RAPGEF1: variants seen among roughly 807,000 people sequenced by gnomAD.
RAPGEF1 encodes CRK SH3-binding GNRP.
RAPGEF1 carries 33 observed loss-of-function variants against 143.3 expected under a neutral mutation model. That is an observed-to-expected ratio of 0.23 (90% CI 0.17 to 0.31). The LOEUF (loss-of-function observed/expected upper bound fraction) is 0.31. Ranked by LOEUF, RAPGEF1 falls within the 10% of genes least tolerant of loss-of-function variation. The pLI is 1.00. For synonymous variants in RAPGEF1, 629 were observed against 676.5 expected, an observed-to-expected ratio of 0.93 and a Z score of 1.09; for missense variants, 1,199 against 1,645.4, an observed-to-expected ratio of 0.73 and a Z score of 4.69.
At chr9:131,674,343 C>T (rs1333659360) in intron 1 of RAPGEF1, among the ~76,000 whole-genome samples, 1 of 152,172 alleles carries the variant, frequency 6.6e-6, no homozygotes, top group African/African-American at 2.4e-5. Context: ...TACGTTAAGA[C>T]CAGTCTGAAA....
At chr9:131,642,399 C>T (rs1226053602) in intron 4 of RAPGEF1, among the ~76,000 whole-genome samples, 2 of 152,228 alleles carry the variant, frequency 1.3e-5, no homozygotes, top group Non-Finnish European at 2.9e-5. Context: ...CTGGCTCTAG[C>T]TGGTGGCCAG....
intron 1 of RAPGEF1, among the ~76,000 whole-genome samples, chr9:131,695,383 T>C (rs901584894): frequency 6.6e-6 from 1 of 152,148 alleles, no homozygotes; most frequent in Non-Finnish European, 1.5e-5. Flanking sequence ...AGGTCAATGG[T>C]AGCTACCCAT....
chr9:131,628,034 T>C lies in RAPGEF1; in HGVS notation c.1080A>G (p.Gly360=). The C allele has an allele frequency of 6.4e-7, 1 of 1,565,284 alleles. No homozygotes were observed. Among genetic ancestry groups the C allele is most frequent in the Non-Finnish European group, 8.7e-7 (1 of 1,155,550 alleles). ...TGCAGGGGGAGAGGCGGGGCGACTC[T>C]CCACCATATGAGTGGCTGCCTCCTG... is the stretch of plus-strand genomic sequence containing the variant. ...RLSGGSHSYG[G]ESPRLSPCSS... is the part of the protein sequence containing the mutation. The change falls in exon 9 of 27, where the codon GGA becomes GGG. Residue 360 remains glycine, a synonymous_variant. Coordinates refer to ENST00000683357, the MANE Select transcript of RAPGEF1 (RefSeq NM_001377935.1). This position sits in a 1 kb window ranked among gnomAD's most constrained non-coding sequence, Gnocchi z 5.7.
Position 131,626,265 on chromosome 9 carries a change from G to A in RAPGEF1, c.1359C>T (p.Gly453=), listed in dbSNP as rs751904446. Residue 453 remains glycine (G), a synonymous_variant, in exon 10 of 27, where the codon GGC becomes GGT. Transcript: ENST00000683357. ...LGPPFQLPLG[G]HPQPDGPLAP... ...CCAGAGGTCCGTCTGGCTGGGGATG[G>A]CCGCCAAGAGGCAGCTGGAAAGGAG... 1.2e-6 allele frequency: 2 copies of A among 1,613,966 alleles called. No homozygotes were observed. Among genetic ancestry groups the A allele is most frequent in the Non-Finnish European group, 1.7e-6 (2 of 1,179,858 alleles).
intron 1 of RAPGEF1, among the ~76,000 whole-genome samples, chr9:131,671,478 C>A (rs1467031550): frequency 6.6e-6 from 1 of 152,244 alleles, no homozygotes; most frequent in Non-Finnish European, 1.5e-5. Flanking sequence ...TGTGGCTGAG[C>A]GCCTCCAACC....
chr9:131,649,200 ATTTTTTTTTTTTT>A (rs55813422), intron 3 of RAPGEF1, among the ~76,000 whole-genome samples: 1 of 87,236 alleles, frequency 1.1e-5, no homozygotes, highest in African/African-American at 4.6e-5. Flanking sequence ...GCCTGGCTAA[ATTTTTTTTTTTTT>A]TTTTTTTTTT....
intron 16 of RAPGEF1, 33 bp from the exon 17 acceptor site, chr9:131,596,406 C>A (rs189483927): frequency 6.2e-7 from 1 of 1,600,994 alleles, no homozygotes; most frequent in African/African-American, 1.3e-5. Flanking sequence ...AGGTATGAGG[C>A]AGAGTATGCC....
intron 1 of RAPGEF1, among the ~76,000 whole-genome samples, chr9:131,719,553 C>CTTTT (rs34413859): frequency 8.6e-4 from 62 of 72,400 alleles, no homozygotes; most frequent in Non-Finnish European, 9.9e-4. Context: ...CCCTTCAGGG[C>CTTTT]TTTTTTTTTT....
intron 5 of RAPGEF1, among the ~76,000 whole-genome samples, chr9:131,638,189 C>A (rs1485936050): frequency 6.6e-6 from 1 of 152,254 alleles, no homozygotes; most frequent in African/African-American, 2.4e-5. Flanking sequence ...CAGACCACAT[C>A]ACGGATATCA....
intron 17 of RAPGEF1, among the ~76,000 whole-genome samples, chr9:131,595,180 A>G (rs756689910): frequency 2.0e-5 from 3 of 152,194 alleles, no homozygotes; most frequent in Non-Finnish European, 4.4e-5. Flanking sequence ...GGGCCCTCTG[A>G]GCCTGTCATG....
chr9:131,696,330 T>C (rs949583380), intron 1 of RAPGEF1, among the ~76,000 whole-genome samples: 10 of 152,168 alleles, frequency 6.6e-5, no homozygotes, highest in Non-Finnish European at 1.2e-4. Flanking sequence ...ACCTATTTTT[T>C]AAGGGCCCAG....
At chr9:131,637,228 GAA>G (rs772570490) in intron 5 of RAPGEF1, among the ~76,000 whole-genome samples, 8 of 125,398 alleles carry the variant, frequency 6.4e-5, no homozygotes, top group Admixed American at 8.2e-5. Flanking sequence ...CCGTCTCAGA[GAA>G]AAAAAAAAAA....
At chr9:131,673,096 C>A (rs1343182653) in intron 1 of RAPGEF1, among the ~76,000 whole-genome samples, 1 of 152,120 alleles carries the variant, frequency 6.6e-6, no homozygotes, top group Non-Finnish European at 1.5e-5. Context: ...GTGCTTTTTG[C>A]CCTCAAATAA....
intron 1 of RAPGEF1, among the ~76,000 whole-genome samples, chr9:131,706,460 C>T (rs757735798): frequency 2.0e-5 from 3 of 152,004 alleles, no homozygotes; most frequent in Non-Finnish European, 2.9e-5. Flanking sequence ...GATGGGGTTT[C>T]GCCATGCTGC....
Position 131,739,850 on chromosome 9 carries a change from C to A in RAPGEF1, c.-20G>T, listed in dbSNP as rs1837641180. The A allele has an allele frequency of 5.9e-6, 6 of 1,016,680 alleles. No individual in the cohort carries two copies. Among genetic ancestry groups the A allele is most frequent in the Non-Finnish European group, 7.0e-6 (6 of 855,506 alleles). The allele number at this position is 1,016,680 out of a possible 1,614,324, so 63.0% of individuals were successfully genotyped here. A position where few individuals can be genotyped will look rare whatever the true frequency, so the allele number is the denominator to read the frequency against. On this transcript the variant is annotated 5_prime_UTR_variant, in exon 1 of 27. Coordinates refer to ENST00000683357, the MANE Select transcript of RAPGEF1 (RefSeq NM_001377935.1). The stretch of plus-strand genomic sequence containing the variant: ...GCTCATCGGGCCCGGGCCGGGCCGC[C>A]GCGGGGCGACAGGGGCGGCGCGCCC...
chr9:131,580,549 C>T (rs1287580523), intron 25 of RAPGEF1, among the ~76,000 whole-genome samples, 158 bp from the exon 26 acceptor site: 2 of 152,220 alleles, frequency 1.3e-5, no homozygotes, highest in African/African-American at 4.8e-5. Flanking sequence ...AGAACAAACT[C>T]CCGCCTCAGC....
intron 18 of RAPGEF1, among the ~76,000 whole-genome samples, chr9:131,590,591 T>C (rs969294035): frequency 5.9e-5 from 9 of 152,350 alleles, no homozygotes; most frequent in Non-Finnish European, 1.0e-4. Context: ...CTCTGCTTTG[T>C]GGTCAGGGTT....
chr9:131,605,003 G>A lies in RAPGEF1; in HGVS notation c.2247C>T (p.Leu749=), dbSNP rs1386110926. 7.4e-7 allele frequency: 1 copy of A among 1,355,530 alleles called. No homozygotes were observed. The highest frequency in any genetic ancestry group is 1.5e-5 in the African/African-American group (1 of 67,610). The allele number at this position is 1,355,530 out of a possible 1,614,324, so 84.0% of individuals were successfully genotyped here. A position where few individuals can be genotyped will look rare whatever the true frequency, so the allele number is the denominator to read the frequency against. The change falls in exon 13 of 27, where the codon CTC becomes CTT. Residue 749 remains leucine (L), a synonymous_variant. Coordinates refer to ENST00000683357, the MANE Select transcript of RAPGEF1 (RefSeq NM_001377935.1). The part of the protein sequence containing the change: ...GPPPSTVDGP[L]SASQESSFHG... The stretch of plus-strand genomic sequence containing the variant: ...GAAAGCTGCTCTCCTGAGAAGCCGA[G>A]AGAGGCCCGTCCACGGTGCTGGGAG...
chr9:131,622,739 G>C (rs1286242190), intron 10 of RAPGEF1, among the ~76,000 whole-genome samples: 1 of 151,700 alleles, frequency 6.6e-6, no homozygotes. Flanking sequence ...TGAAAGGGCA[G>C]CTCACAGCCC....
Sources: allele counts gnomAD v4.1 joint callset (sites outside exome capture counted in the v4.1 genomes callset), GRCh38; gene constraint gnomAD v4.1.1; non-coding constraint Gnocchi (gnomAD v3.1); transcripts MANE v1.5; gene names NCBI Gene and HGNC (gene_info 2026-07-23, HGNC 2026-07-21).